COBLL1: variants seen among roughly 807,000 people sequenced by gnomAD.
COBLL1 encodes the protein cordon-bleu WH2 repeat protein like 1.
A neutral mutation model predicts 94.8 loss-of-function variants in COBLL1; 50 were observed. The ratio of observed to expected loss-of-function variants is 0.53; its 90% CI spans 0.42 to 0.67. The LOEUF (loss-of-function observed/expected upper bound fraction) is 0.67, where lower values mean the gene tolerates loss of function less well. Ranked by LOEUF, COBLL1 falls within the 30% of genes least tolerant of loss-of-function variation. The pLI is 0.00. For synonymous variants in COBLL1, 448 were observed against 473.8 expected, an observed-to-expected ratio of 0.95 and a Z score of 0.71; for missense variants, 1,362 against 1,348.7, an observed-to-expected ratio of 1.01 and a Z score of -0.15.
intron 11 of COBLL1, 97 bp from the exon 12 acceptor site, chr2:164,695,933 A>C: frequency 1.1e-6 from 1 of 944,738 alleles, no homozygotes; most frequent in Non-Finnish European, 1.5e-6. Flanking sequence ...GTTTGGTTTG[A>C]ATTCTACAGA....
In COBLL1 at chr2:164,763,260, G is replaced by A. The variant is rs190223414; in HGVS notation, c.42-19385C>T. Among the ~76,000 whole-genome samples the A allele has an allele frequency of 5.3e-3, 802 of 151,568 alleles. 12 individuals carry two copies. Among genetic ancestry groups the A allele is most frequent in the African/African-American group, 0.018 (740 of 41,322 alleles). On this transcript the variant is annotated intron_variant, in intron 2 of 13. Transcript: ENST00000652658. ...TTTTATGCAAAAATATACTTCGTAC[G>A]TATCAGGTTTGAAAAAAATGTCTTT... is the stretch of plus-strand genomic sequence containing the variant.
chr2:164,776,420 A>G (rs928170817), intron 2 of COBLL1, among the ~76,000 whole-genome samples: 10 of 152,090 alleles, frequency 6.6e-5, no homozygotes, highest in Non-Finnish European at 8.8e-5. Context: ...CTTTGCCACT[A>G]CTGTTCCTTG....
Position 164,722,095 on chromosome 2 carries a change from T to C in COBLL1, c.976A>G (p.Ser326Gly), listed in dbSNP as rs891034248. 5.0e-6 allele frequency: 8 copies of C among 1,606,940 alleles called. No homozygotes were observed. The highest frequency in any genetic ancestry group is 3.3e-4 in the Middle Eastern group (2 of 6,022). Residue 326 changes from serine (S) to glycine (G), a missense_variant, in exon 7 of 14, where the codon AGC (serine) becomes GGC (glycine). Physicochemically the swap from Ser to Gly is moderately conservative, Grantham distance 56. Transcript: ENST00000652658. ...RPASCIVKSM[S>G]VDETDKSPCE... ...CACACCTTATCTGTCTCATCCACGCTCATGGATTTCACTATACAAGAAGCA... is the reference window on the plus strand; with the variant it reads ...CACACCTTATCTGTCTCATCCACGCCCATGGATTTCACTATACAAGAAGCA...
chr2:164,794,063 T>A (rs1284130838), intron 2 of COBLL1, among the ~76,000 whole-genome samples: 1 of 152,172 alleles, frequency 6.6e-6, no homozygotes, highest in Non-Finnish European at 1.5e-5. Flanking sequence ...AGGTCATACT[T>A]ACTTAGAAAT....
intron 7 of COBLL1, among the ~76,000 whole-genome samples, chr2:164,715,737 T>G (rs571852143): frequency 7.9e-5 from 12 of 151,946 alleles, no homozygotes; most frequent in African/African-American, 2.9e-4. Context: ...TAATACTAGA[T>G]GGCAAAGAGT....
intron 2 of COBLL1, among the ~76,000 whole-genome samples, chr2:164,817,857 A>G (rs1052238682): frequency 1.3e-5 from 2 of 152,076 alleles, no homozygotes; most frequent in African/African-American, 2.4e-5. Flanking sequence ...CTATCTCCCA[A>G]TTATAAACTG....
rs749618676 is a variant in COBLL1, at chr2:164,787,563, TG to T, written c.42-43689del. 3.3e-5 allele frequency among the ~76,000 whole-genome samples: 5 copies of T among 152,214 alleles called. 1 individual carries two copies. Among genetic ancestry groups the T allele is most frequent in the Middle Eastern group, 3.4e-3 (1 of 294 alleles). The stretch of plus-strand genomic sequence containing the variant: ...TTTGGCAACTATACCTCAGTAAGGC[TG>T]GGGGAAAAAATAAGTATCCATCCTC... On this transcript the variant is annotated intron_variant, in intron 2 of 13. Transcript: ENST00000652658.
intron 2 of COBLL1, among the ~76,000 whole-genome samples, chr2:164,795,067 C>T (rs543369201): frequency 6.6e-6 from 1 of 152,240 alleles, no homozygotes; most frequent in East Asian, 1.9e-4. Context: ...TTTTCATCTT[C>T]GTCTCTAGGG....
Position 164,682,472 on chromosome 2 carries a change from G to C in COBLL1, c.*3474C>G, listed in dbSNP as rs1470864782. 3 of 151,618 alleles carry C rather than the reference G, an allele frequency of 2.0e-5. No homozygotes were observed. The highest frequency in any genetic ancestry group is 7.3e-5 in the African/African-American group (3 of 40,920). 9.4% of individuals were successfully genotyped at this position (151,618 alleles called of 1,614,324 possible). ...CGCTTTGGGTTTTAAGCACCTATAA[G>C]TAACTAAGTCTCAGGACAAAGATTG... is the stretch of plus-strand genomic sequence containing the variant. On this transcript the variant is annotated 3_prime_UTR_variant, in exon 14 of 14. Transcript: ENST00000652658.
In COBLL1 at chr2:164,694,656, C is replaced by A. The variant is rs765171117; in HGVS notation, c.2736G>T (p.Pro912=). Residue 912 remains proline (P), a synonymous_variant, in exon 12 of 14, where the codon CCG becomes CCT. Transcript: ENST00000652658. ...KEAERDMLPS[P]EQTLSPLSKM... ...TACTTAAGGGAGAAAGAGTCTGCTCCGGAGAAGGCAGCATATCCCTTTCTG... is the reference window on the plus strand; with the variant it reads ...TACTTAAGGGAGAAAGAGTCTGCTCAGGAGAAGGCAGCATATCCCTTTCTG... 4.3e-6 allele frequency: 7 copies of A among 1,613,548 alleles called. No individual in the cohort carries two copies. Among genetic ancestry groups the A allele is most frequent in the Non-Finnish European group, 5.9e-6 (7 of 1,179,914 alleles).
At chr2:164,721,274 G>T (rs775005944) in intron 7 of COBLL1, among the ~76,000 whole-genome samples, 4 of 152,046 alleles carry the variant, frequency 2.6e-5, no homozygotes, top group African/African-American at 9.7e-5. Flanking sequence ...TGCTCTCAAA[G>T]TTACTTAAAT....
rs1685512841 is a variant in COBLL1 at position 164,722,628 on chromosome 2, C to A, written c.662-106G>T. The A allele has an allele frequency of 1.0e-5, 6 of 572,160 alleles. No individual in the cohort carries two copies. The East Asian group carries it at 1.5e-4, about 14-fold the overall frequency. 35.4% of individuals were successfully genotyped at this position (572,160 alleles called of 1,614,324 possible). ...TTGCAAACTTATCTAATGCTAAAAG[C>A]TACTAATTATAGTCTACAAAGAAGC... is the stretch of plus-strand genomic sequence containing the variant. On this transcript the variant is annotated intron_variant, in intron 5 of 13. Transcript: ENST00000652658.
intron 7 of COBLL1, among the ~76,000 whole-genome samples, chr2:164,714,586 G>A (rs1030742329): frequency 2.0e-5 from 3 of 152,066 alleles, no homozygotes; most frequent in African/African-American, 7.2e-5. Flanking sequence ...CAAACAAACT[G>A]GGGCCAACTC....
At chr2:164,826,852 T>C (rs1177155858) in intron 2 of COBLL1, among the ~76,000 whole-genome samples, 1 of 152,122 alleles carries the variant, frequency 6.6e-6, no homozygotes, top group Admixed American at 6.5e-5. Flanking sequence ...GAATACTTGA[T>C]CCCATTAAAT....
intron 2 of COBLL1, among the ~76,000 whole-genome samples, chr2:164,790,100 A>G (rs1397316548): frequency 1.3e-5 from 2 of 152,230 alleles, no homozygotes; most frequent in African/African-American, 4.8e-5. Context: ...ATAGAAATCA[A>G]TTCACACTGG....
At position 164,722,506 on chromosome 2, in the gene COBLL1, T is replaced by C. The variant is rs374397508; in HGVS notation, c.678A>G (p.Ser226=). The change falls in exon 6 of 14, where the codon TCA becomes TCG. Residue 226 remains serine (S), a synonymous_variant. Transcript: ENST00000652658. ...MDVNRESCQI[S]QNLDIMKEKE... ...TCTCCTTCATAATATCTAGGTTTTGTGATATTTGGCAGGACTCTAAAATAG... is the reference window on the plus strand; with the variant it reads ...TCTCCTTCATAATATCTAGGTTTTGCGATATTTGGCAGGACTCTAAAATAG... 1.0e-5 allele frequency: 15 copies of C among 1,505,020 alleles called. No individual in the cohort carries two copies. The African/African-American group carries it at 2.0e-4, about 20-fold the overall frequency. 93.2% of individuals were successfully genotyped at this position (1,505,020 alleles called of 1,614,324 possible).
intron 12 of COBLL1, 31 bp downstream of exon 12, chr2:164,694,238 G>T: frequency 6.3e-7 from 1 of 1,579,160 alleles, no homozygotes; most frequent in South Asian, 1.2e-5. Flanking sequence ...CATTAAATTT[G>T]AATACTTATT....
intron 2 of COBLL1, among the ~76,000 whole-genome samples, chr2:164,794,458 G>A (rs1445442167): frequency 1.3e-5 from 2 of 152,058 alleles, no homozygotes; most frequent in Non-Finnish European, 2.9e-5. Context: ...ATTGCAGAGG[G>A]GAAGGGCAGC....
At chr2:164,772,888 A>T (rs1023489119) in intron 2 of COBLL1, among the ~76,000 whole-genome samples, 4 of 152,120 alleles carry the variant, frequency 2.6e-5, no homozygotes, top group East Asian at 3.8e-4. Context: ...AAGTTGCATT[A>T]TTCAGTTAGT....
Sources: gnomAD v4.1 joint callset for allele counts (sites outside exome capture counted in the v4.1 genomes callset) on GRCh38, gnomAD v4.1.1 for gene constraint, MANE v1.5 for transcripts, NCBI Gene and HGNC (gene_info 2026-07-23, HGNC 2026-07-21) for gene names.